Variants in C2CD3 observed in about 807,000 individuals in gnomAD.
C2CD3 encodes C2 domain-containing protein 3.
In C2CD3, 148 loss-of-function variants were observed where a neutral mutation model predicts 234.0. That is an observed-to-expected ratio of 0.63 (90% CI 0.55 to 0.72). The LOEUF (loss-of-function observed/expected upper bound fraction) is 0.72, where lower values mean the gene tolerates loss of function less well. C2CD3 is among the 30% of genes least tolerant of loss of function. The pLI, the probability that C2CD3 is intolerant of heterozygous loss-of-function variation, is 0.00. For synonymous variants in C2CD3, 1,000 were observed against 1,035.4 expected, an observed-to-expected ratio of 0.97 and a Z score of 0.66; for missense variants, 2,577 against 2,811.5, an observed-to-expected ratio of 0.92 and a Z score of 1.89.
chr11:74,019,950 G>C (rs1253845858), intron 32 of C2CD3, among the ~76,000 whole-genome samples: 1 of 152,208 alleles, frequency 6.6e-6, no homozygotes, highest in Non-Finnish European at 1.5e-5. Flanking sequence ...CTGAAGTGCT[G>C]TGGTCTGGCT....
chr11:74,110,470 G>T (rs934866446), intron 11 of C2CD3: 38 of 152,214 alleles, frequency 2.5e-4, no homozygotes, highest in Admixed American at 2.3e-3. Context: ...TGAACAAAAG[G>T]TCTGGGGCCA....
intron 8 of C2CD3, among the ~76,000 whole-genome samples, chr11:74,121,791 T>A (rs1489503956): frequency 6.6e-6 from 1 of 152,096 alleles, no homozygotes; most frequent in Non-Finnish European, 1.5e-5. Context: ...AATAAATATT[T>A]CCTCTTTATC....
rs1365583390 is a variant in C2CD3 at position 74,033,648 on chromosome 11, T to C, written c.6512A>G (p.Asn2171Ser). The C allele has an allele frequency of 1.2e-5, 18 of 1,535,932 alleles. No individual in the cohort carries two copies. Among genetic ancestry groups the C allele is most frequent in the Non-Finnish European group, 1.6e-5 (18 of 1,146,900 alleles). ...TGTTGGGCATGGGATGGGCTGAGGG[T>C]TGGCTGAGGCAGACTCGCCACCAAC... ...ARVGGESASANPQPIPCPTLS... is the reference protein window; with the variant it reads ...ARVGGESASASPQPIPCPTLS... Residue 2171 changes from asparagine (N) to serine (S), a missense_variant, in exon 31 of 33, where the codon AAC becomes AGC. By Grantham distance (46) the Asn-to-Ser change is conservative. Transcript: ENST00000334126.
At chr11:74,043,023 C>T (rs1414280925) in intron 28 of C2CD3, among the ~76,000 whole-genome samples, 3 of 152,200 alleles carry the variant, frequency 2.0e-5, no homozygotes, top group African/African-American at 7.2e-5. Flanking sequence ...ACATGCCATA[C>T]AATTCACCTA....
At chr11:74,026,310 GA>G (rs560915511) in intron 32 of C2CD3, among the ~76,000 whole-genome samples, 9,006 of 144,082 alleles carry the variant, frequency 0.063, 839 homozygotes, top group African/African-American at 0.2. Flanking sequence ...CTGTCTCAAG[GA>G]AAAAAAAAAA....
At chr11:74,070,966 C>T (rs1226044143) in intron 24 of C2CD3, 1 of 152,198 alleles carries the variant, frequency 6.6e-6, no homozygotes, top group Non-Finnish European at 1.5e-5. Context: ...GAAGCCTGCC[C>T]TGACCACCCC....
Position 74,159,006 on chromosome 11 carries a change from T to C in C2CD3, c.483+2393A>G, listed in dbSNP as rs568760069. On this transcript the variant is annotated intron_variant, in intron 3 of 32. Transcript: ENST00000334126. ...TCCAGGAATCTCACTACTTGCTTTA[T>C]AGTCATGCACCAGGTAACAACATTT... Among the ~76,000 whole-genome samples the C allele has an allele frequency of 2.0e-5, 3 of 152,284 alleles. No homozygotes were observed. The East Asian group carries it at 5.8e-4, about 29-fold the overall frequency.
intron 3 of C2CD3, among the ~76,000 whole-genome samples, chr11:74,156,786 AG>A (rs1470221008): frequency 6.6e-6 from 1 of 152,222 alleles, no homozygotes; most frequent in Non-Finnish European, 1.5e-5. Flanking sequence ...CCTGGCCAAC[AG>A]GGTGAAAACC....
At chr11:74,034,823 A>G (rs893700813) in intron 30 of C2CD3, among the ~76,000 whole-genome samples, 1 of 152,226 alleles carries the variant, frequency 6.6e-6, no homozygotes, top group Non-Finnish European at 1.5e-5. Context: ...CTCTGTTGTC[A>G]CTTGTTAACT....
chr11:74,095,403 C>T lies in C2CD3; in HGVS notation c.2985G>A (p.Glu995=), dbSNP rs1347669181. 2.5e-6 allele frequency: 4 copies of T among 1,608,730 alleles called. 1 individual carries two copies. The East Asian group carries it at 6.7e-5, about 27-fold the overall frequency. ...GCTCCATCAGTCCATTTCCTCGGTC[C>T]TCTGCCTATTAAATGAAACAGAAAC... The part of the protein sequence containing the change: ...QPTAASVAMA[E]DRGNGLMEHC... Residue 995 remains glutamate, a synonymous_variant, in exon 17 of 33, where the codon GAG becomes GAA. Coordinates refer to ENST00000334126, the MANE Select transcript of C2CD3 (RefSeq NM_001286577.2).
At chr11:74,077,825 ATATATATATATATATATATATT>A (rs1464612274) in intron 23 of C2CD3, among the ~76,000 whole-genome samples, 350 of 17,308 alleles carry the variant, frequency 0.02, 74 homozygotes, top group African/African-American at 0.039. Context: ...ATATATATAT[ATATATATATATATATATATATT>A]ATCTCTTTAG....
At position 74,074,333 on chromosome 11, in the gene C2CD3, G is replaced by C; in HGVS notation, c.4871C>G (p.Thr1624Arg). ...CSSTTAEVRLTQEGPADLDGT... is the reference protein window; with the variant it reads ...CSSTTAEVRLRQEGPADLDGT... Reference sequence around the variant, plus strand: ...ATCCAAATCAGCAGGGCCCTCCTGCGTCAGGCGGACTTCAGCTGTGGTGCT... The same window carrying C: ...ATCCAAATCAGCAGGGCCCTCCTGCCTCAGGCGGACTTCAGCTGTGGTGCT... The change falls in exon 24 of 33, where the codon ACG becomes AGG. Residue 1624 changes from threonine to arginine, a missense_variant. Transcript: ENST00000334126. 6.2e-7 allele frequency: 1 copy of C among 1,614,224 alleles called. No homozygotes were observed. The highest frequency in any genetic ancestry group is 8.5e-7 in the Non-Finnish European group (1 of 1,180,030).
chr11:74,019,141 A>G (rs564081312), intron 32 of C2CD3, among the ~76,000 whole-genome samples: 2 of 152,258 alleles, frequency 1.3e-5, no homozygotes, highest in East Asian at 1.9e-4. Context: ...AGAGGGCTCC[A>G]AAGTCCAGGT....
At chr11:74,146,573 G>C (rs1272268125) in intron 3 of C2CD3, among the ~76,000 whole-genome samples, 1 of 152,140 alleles carries the variant, frequency 6.6e-6, no homozygotes, top group African/African-American at 2.4e-5. Context: ...GACAAAGGAT[G>C]ATGATCCTGA....
chr11:74,093,628 T>C lies in C2CD3; in HGVS notation c.3344+188A>G, dbSNP rs557817178. 1.6e-4 allele frequency among the ~76,000 whole-genome samples: 24 copies of C among 152,324 alleles called. No homozygotes were observed. In the South Asian group the frequency reaches 5.0e-3, roughly 32 times the overall value. ...TAGAAATATGAGATACAATGGGTCA[T>C]AAGATCCTAATAACAGACTTCAGTA... On this transcript the variant is annotated intron_variant, in intron 18 of 32. Coordinates refer to ENST00000334126, the MANE Select transcript of C2CD3 (RefSeq NM_001286577.2).
chr11:74,074,624 A>AGGCT, intron 23 of C2CD3, 24 bp from the exon 24 acceptor site: 1 of 1,567,098 alleles, frequency 6.4e-7, no homozygotes, highest in East Asian at 2.3e-5. Flanking sequence ...GAGAAGAATA[A>AGGCT]GGCTAGTCAA....
chr11:74,114,314 T>C (rs1054853846), intron 10 of C2CD3, 70 bp downstream of exon 10: 16 of 991,694 alleles, frequency 1.6e-5, no homozygotes, highest in Non-Finnish European at 2.1e-5. Flanking sequence ...TATTATGCAA[T>C]TGTTGATTAT....
intron 20 of C2CD3, among the ~76,000 whole-genome samples, chr11:74,089,022 T>C (rs1255157713): frequency 6.6e-6 from 1 of 152,208 alleles, no homozygotes; most frequent in Non-Finnish European, 1.5e-5. Flanking sequence ...TCTTAGAATA[T>C]ATTTTGTATA....
intron 3 of C2CD3, among the ~76,000 whole-genome samples, chr11:74,141,381 T>G: frequency 6.6e-6 from 1 of 152,222 alleles, no homozygotes; most frequent in Admixed American, 6.5e-5. Context: ...CATAAAATCC[T>G]GGTTGCTCAA....
Sources: gnomAD v4.1 joint callset for allele counts (sites outside exome capture counted in the v4.1 genomes callset) on GRCh38, gnomAD v4.1.1 for gene constraint, MANE v1.5 for transcripts, NCBI Gene and HGNC (gene_info 2026-07-23, HGNC 2026-07-21) for gene names.